RANBP10: variants seen among roughly 807,000 people sequenced by gnomAD.
RANBP10 encodes RAN binding protein 10.
Under a neutral mutation model 72.8 loss-of-function variants are expected in RANBP10, and 24 were observed. That is an observed-to-expected ratio of 0.33 (90% CI 0.24 to 0.46). The LOEUF is 0.46. Among genes scored for constraint, RANBP10 ranks in the 20% least tolerant of loss-of-function variants. The pLI is 1.00. For missense variants in RANBP10, 679 were observed against 817.5 expected (o/e 0.83, Z 2.07); for synonymous variants, 310 against 322.3 (o/e 0.96, Z 0.41).
At chr16:67,732,189 A>G (rs1193142840) in intron 6 of RANBP10, among the ~76,000 whole-genome samples, 1 of 152,156 alleles carries the variant, frequency 6.6e-6, no homozygotes, top group Non-Finnish European at 1.5e-5. Context: ...ATGATACACC[A>G]CAAATCAGGG....
At chr16:67,799,853 T>C (rs1266580943) in intron 2 of RANBP10, among the ~76,000 whole-genome samples, 2 of 152,104 alleles carry the variant, frequency 1.3e-5, no homozygotes, top group Non-Finnish European at 2.9e-5. Context: ...ATGGATGTGA[T>C]GGCTCACACC....
At chr16:67,743,187 G>A (rs1473710720) in intron 4 of RANBP10, among the ~76,000 whole-genome samples, 1 of 152,236 alleles carries the variant, frequency 6.6e-6, no homozygotes, top group Non-Finnish European at 1.5e-5. Flanking sequence ...GATGTGGAGA[G>A]TTGCAGCCAC....
At chr16:67,738,105 A>G (rs1443754615) in intron 4 of RANBP10, 70 bp from the exon 5 acceptor site, 17 of 1,467,216 alleles carry the variant, frequency 1.2e-5, no homozygotes, top group Non-Finnish European at 1.6e-5. Context: ...CCCATGGTGG[A>G]GCCAGTGCTA....
At chr16:67,774,084 G>A (rs544094439) in intron 2 of RANBP10, among the ~76,000 whole-genome samples, 1 of 152,292 alleles carries the variant, frequency 6.6e-6, no homozygotes, top group East Asian at 1.9e-4. Flanking sequence ...CATTCCTTCA[G>A]TACCTCAGCT....
chr16:67,803,995 A>G (rs1023857231), intron 2 of RANBP10, among the ~76,000 whole-genome samples: 8 of 152,034 alleles, frequency 5.3e-5, no homozygotes, highest in African/African-American at 1.9e-4. Flanking sequence ...ACCCAAGACC[A>G]CAGAGACCTC....
At chr16:67,800,710 T>C (rs571554626) in intron 2 of RANBP10, among the ~76,000 whole-genome samples, 28 of 152,330 alleles carry the variant, frequency 1.8e-4, no homozygotes, top group African/African-American at 6.3e-4. Context: ...CCCATCAGTC[T>C]GTGCCAAGCT....
chr16:67,788,674 G>A (rs972668397), intron 2 of RANBP10, among the ~76,000 whole-genome samples: 60 of 151,790 alleles, frequency 4.0e-4, no homozygotes, highest in Middle Eastern at 3.4e-3. Flanking sequence ...ACAGGCATGA[G>A]CCACCGCTCC....
intron 3 of RANBP10, among the ~76,000 whole-genome samples, chr16:67,754,149 A>G (rs1050271102): frequency 1.8e-4 from 28 of 151,676 alleles, no homozygotes; most frequent in Non-Finnish European, 2.9e-4. Flanking sequence ...AAAAAAAAAA[A>G]AGAGACAAGG....
At position 67,738,040 on chromosome 16, in the gene RANBP10, G is replaced by A. The variant is rs750890960; in HGVS notation, c.569-5C>T. The A allele has an allele frequency of 5.7e-6, 9 of 1,587,392 alleles. No individual in the cohort carries two copies. The highest frequency in any genetic ancestry group is 1.1e-5 in the South Asian group (1 of 87,488). Reference sequence around the variant, plus strand: ...GGAGGTCTGTGAAGGCTATACCTGTGGGGGGAAAGGAACAGTCATCAGGGC... The same window carrying A: ...GGAGGTCTGTGAAGGCTATACCTGTAGGGGGAAAGGAACAGTCATCAGGGC... On this transcript the variant is annotated splice_region_variant and splice_polypyrimidine_tract_variant and intron_variant, in intron 4 of 13. Coordinates refer to ENST00000317506, the MANE Select transcript of RANBP10 (RefSeq NM_020850.3).
At chr16:67,777,346 C>G (rs1393869684) in intron 2 of RANBP10, among the ~76,000 whole-genome samples, 1 of 151,814 alleles carries the variant, frequency 6.6e-6, no homozygotes, top group Non-Finnish European at 1.5e-5. Context: ...ACCATCCTGA[C>G]TAACATGGTA....
intron 3 of RANBP10, among the ~76,000 whole-genome samples, chr16:67,751,896 GAAAAAAAAAA>G (rs2054204729): frequency 8.4e-6 from 1 of 119,462 alleles, no homozygotes; most frequent in Non-Finnish European, 1.8e-5. Flanking sequence ...GTCTCAAAAA[GAAAAAAAAAA>G]GAAAGAATTT....
intron 3 of RANBP10, among the ~76,000 whole-genome samples, chr16:67,766,368 TAC>T (rs2054502103): frequency 6.6e-6 from 1 of 152,322 alleles, no homozygotes; most frequent in South Asian, 2.1e-4. Flanking sequence ...GGCAAGCTGA[TAC>T]AGTTTGGATG....
chr16:67,735,156 G>C, intron 5 of RANBP10, 114 bp from the exon 6 acceptor site: 1 of 1,054,552 alleles, frequency 9.5e-7, no homozygotes, highest in Non-Finnish European at 1.3e-6. Context: ...GTTGCAGCAA[G>C]GCTGGAGGAG....
At chr16:67,733,936 C>T (rs752178733) in intron 6 of RANBP10, among the ~76,000 whole-genome samples, 16 of 152,228 alleles carry the variant, frequency 1.1e-4, no homozygotes, top group Non-Finnish European at 1.9e-4. Flanking sequence ...ACCAAGCCTG[C>T]TCTGGGAGTG....
chr16:67,765,531 AAAATAAAT>A (rs1201299087), intron 3 of RANBP10, among the ~76,000 whole-genome samples: 4 of 152,090 alleles, frequency 2.6e-5, no homozygotes, highest in Admixed American at 6.6e-5. Flanking sequence ...CCATCTCAAA[AAAATAAAT>A]AAATAAATTA....
chr16:67,754,437 T>C (rs1215166933), intron 3 of RANBP10, among the ~76,000 whole-genome samples: 1 of 152,184 alleles, frequency 6.6e-6, no homozygotes, highest in Non-Finnish European at 1.5e-5. Context: ...AGATTCAGGC[T>C]AGCTAAGGGC....
intron 12 of RANBP10, 58 bp from the exon 13 acceptor site, chr16:67,727,496 C>G: frequency 6.6e-7 from 1 of 1,509,738 alleles, no homozygotes; most frequent in African/African-American, 1.4e-5. Flanking sequence ...CACCCTGCTA[C>G]CCGTGGCTCC....
At chr16:67,783,524 C>A (rs1428293484) in intron 2 of RANBP10, among the ~76,000 whole-genome samples, 1 of 152,194 alleles carries the variant, frequency 6.6e-6, no homozygotes, top group Non-Finnish European at 1.5e-5. Context: ...AGGCTGGTCT[C>A]AGACACTCCA....
chr16:67,768,206 G>A (rs1307273257), intron 3 of RANBP10, among the ~76,000 whole-genome samples: 3 of 151,582 alleles, frequency 2.0e-5, no homozygotes, highest in Non-Finnish European at 4.4e-5. Context: ...GGGCAACATG[G>A]CAAAACCCTG....
Sources: allele counts gnomAD v4.1 joint callset (sites outside exome capture counted in the v4.1 genomes callset), GRCh38; gene constraint gnomAD v4.1.1; transcripts MANE v1.5; gene names NCBI Gene and HGNC (gene_info 2026-07-23, HGNC 2026-07-21).